Variants in IQANK1 observed in about 807,000 individuals in gnomAD.
IQANK1 encodes IQ motif and ankyrin repeat containing 1.
In IQANK1, 30 loss-of-function variants were observed where a neutral mutation model predicts 22.6. That is an observed-to-expected ratio of 1.33 (90% CI 0.99 to 1.80). The LOEUF is 1.80. IQANK1 is among the 40% of genes most tolerant of loss of function. The pLI, the probability that IQANK1 is intolerant of heterozygous loss-of-function variation, is 0.00. For synonymous variants in IQANK1, 122 were observed against 99.6 expected (o/e 1.23, Z -1.34); for missense variants, 275 against 235.2 (o/e 1.17, Z -1.11).
At chr8:143,773,065 G>C (rs1428801860) in intron 7 of IQANK1, among the ~76,000 whole-genome samples, 5 of 152,234 alleles carry the variant, frequency 3.3e-5, no homozygotes. Flanking sequence ...CAGCACTTTT[G>C]GGAGACTGAG....
chr8:143,751,992 G>T (rs1819205020), intron 3 of IQANK1, among the ~76,000 whole-genome samples: 1 of 151,710 alleles, frequency 6.6e-6, no homozygotes, highest in African/African-American at 2.4e-5. Flanking sequence ...TTGAGAGAGA[G>T]ACTTGCTCTG....
rs1413780163 is a variant in IQANK1, at chr8:143,774,284, C to T, written c.789+1802C>T. Among the ~76,000 whole-genome samples the T allele has an allele frequency of 6.6e-6, 1 of 152,136 alleles. No individual in the cohort carries two copies. On this transcript the variant is annotated intron_variant, in intron 7 of 13. Coordinates refer to ENST00000527139, the MANE Select transcript of IQANK1 (RefSeq NM_001381874.1). The surrounding 1 kb of genome is among the most constrained non-coding windows in gnomAD (Gnocchi z 4.2). ...AAAAGAAGCCACAGGCAGGAGCAAA[C>T]GTTTGTGAACCACGCATCTGGCAAG...
At chr8:143,766,173 T>C (rs1241439918) in intron 3 of IQANK1, among the ~76,000 whole-genome samples, 1 of 152,206 alleles carries the variant, frequency 6.6e-6, no homozygotes, top group Non-Finnish European at 1.5e-5. Flanking sequence ...CATTTCCATA[T>C]ATTTATTGGC....
intron 3 of IQANK1, among the ~76,000 whole-genome samples, chr8:143,762,952 TTTCTC>T (rs1231797854): frequency 6.6e-6 from 1 of 151,692 alleles, no homozygotes; most frequent in Non-Finnish European, 1.5e-5. Context: ...TTTTTTTTCT[TTTCTC>T]TTTTCTTTTC....
intron 1 of IQANK1, among the ~76,000 whole-genome samples, chr8:143,734,445 C>T (rs1418133167): frequency 6.6e-6 from 1 of 151,334 alleles, no homozygotes; most frequent in Non-Finnish European, 1.5e-5. Context: ...CCCCTCACAC[C>T]GATGCCCACA....
intron 3 of IQANK1, among the ~76,000 whole-genome samples, chr8:143,767,573 C>A (rs1819501689): frequency 6.6e-6 from 1 of 152,124 alleles, no homozygotes. Flanking sequence ...ACCAGGAAAT[C>A]AACACTAGCA....
intron 3 of IQANK1, chr8:143,743,907 C>T: frequency 2.4e-6 from 1 of 419,586 alleles, no homozygotes; most frequent in Non-Finnish European, 4.8e-6. Context: ...GGGCTTGGCT[C>T]ACTGCTACCT....
At chr8:143,767,877 CTTTTTTTTTTTT>C (rs782768885) in intron 3 of IQANK1, among the ~76,000 whole-genome samples, 4 of 78,788 alleles carry the variant, frequency 5.1e-5, no homozygotes, top group African/African-American at 2.7e-4. Flanking sequence ...GGAGCGAGAC[CTTTTTTTTTTTT>C]TTTTTTTTTT....
chr8:143,765,825 C>T (rs972462838), intron 3 of IQANK1, among the ~76,000 whole-genome samples: 11 of 152,164 alleles, frequency 7.2e-5, no homozygotes, highest in Non-Finnish European at 4.4e-5. Context: ...CTGTTATGTG[C>T]ATATAACATT....
intron 3 of IQANK1, among the ~76,000 whole-genome samples, chr8:143,764,728 A>G (rs1819455591): frequency 6.6e-6 from 1 of 152,368 alleles, no homozygotes; most frequent in Middle Eastern, 3.4e-3. Context: ...AGAGGCAGAA[A>G]GAGATGGAGA....
intron 3 of IQANK1, among the ~76,000 whole-genome samples, chr8:143,748,691 A>G (rs1479067522): frequency 1.1e-5 from 1 of 91,306 alleles, no homozygotes; most frequent in East Asian, 2.3e-4. Flanking sequence ...TATCATATAT[A>G]TCATATATAA....
At chr8:143,766,502 C>G (rs975957390) in intron 3 of IQANK1, among the ~76,000 whole-genome samples, 1 of 152,054 alleles carries the variant, frequency 6.6e-6, no homozygotes, top group East Asian at 1.9e-4. Flanking sequence ...GAAACCCCAT[C>G]TCTACTAAAA....
At chr8:143,772,269 C>G (rs1264319654) in intron 6 of IQANK1, 26 bp downstream of exon 6, 13 of 397,636 alleles carry the variant, frequency 3.3e-5, no homozygotes, top group Admixed American at 8.8e-5. Context: ...CGCGGGCCGC[C>G]GCGCTGAGGG....
intron 7 of IQANK1, among the ~76,000 whole-genome samples, chr8:143,777,135 C>CAT (rs1457563079): frequency 6.7e-6 from 1 of 149,916 alleles, no homozygotes; most frequent in Non-Finnish European, 1.5e-5. Flanking sequence ...AAGACACACA[C>CAT]ATATATATAC....
At chr8:143,770,783 C>T (rs1436189550) in intron 3 of IQANK1, among the ~76,000 whole-genome samples, 1 of 152,260 alleles carries the variant, frequency 6.6e-6, no homozygotes. Flanking sequence ...GCGCCACAAG[C>T]GCCCCATTGC....
chr8:143,788,032 G>A (rs563852593), intron 7 of IQANK1, among the ~76,000 whole-genome samples: 2 of 152,194 alleles, frequency 1.3e-5, no homozygotes, highest in South Asian at 2.1e-4. Flanking sequence ...GCCTAATTCC[G>A]AGTATGAGAG....
intron 7 of IQANK1, among the ~76,000 whole-genome samples, chr8:143,782,222 A>G (rs1445099651): frequency 2.0e-5 from 3 of 152,176 alleles, no homozygotes; most frequent in African/African-American, 7.2e-5. Context: ...GGCTAAGACT[A>G]TGGGGTTTTC....
chr8:143,780,328 C>CT (rs1479507332), intron 7 of IQANK1, among the ~76,000 whole-genome samples: 6 of 152,102 alleles, frequency 3.9e-5, no homozygotes, highest in Non-Finnish European at 5.9e-5. Flanking sequence ...GTTAAGTCAT[C>CT]TTTTTTTAAC....
At chr8:143,746,080 A>G (rs1819026839) in intron 3 of IQANK1, 2 of 152,220 alleles carry the variant, frequency 1.3e-5, no homozygotes, top group Admixed American at 1.3e-4. Flanking sequence ...TTCTATTCAT[A>G]CATATAAAAT....
Sources: allele counts gnomAD v4.1 joint callset (sites outside exome capture counted in the v4.1 genomes callset), GRCh38; gene constraint gnomAD v4.1.1; non-coding constraint Gnocchi (gnomAD v3.1); transcripts MANE v1.5; gene names NCBI Gene and HGNC (gene_info 2026-07-23, HGNC 2026-07-21).